CCDC141: variants seen among roughly 807,000 people sequenced by gnomAD.
The protein encoded by CCDC141 is coiled-coil domain-containing protein 141.
In CCDC141, 168 loss-of-function variants were observed where a neutral mutation model predicts 181.0. The ratio of observed to expected loss-of-function variants is 0.93; its 90% CI spans 0.82 to 1.05. The LOEUF (loss-of-function observed/expected upper bound fraction) is 1.05, where lower values mean the gene tolerates loss of function less well. Among genes scored for constraint, CCDC141 ranks in the 50% least tolerant of loss-of-function variants. CCDC141 has a pLI of 0.00. For synonymous variants in CCDC141, 666 were observed against 642.3 expected (o/e 1.04, Z -0.56); for missense variants, 1,902 against 1,788.5 (o/e 1.06, Z -1.14).
chr2:178,834,650 G>C (rs1403381743), intron 23 of CCDC141, among the ~76,000 whole-genome samples: 1 of 151,682 alleles, frequency 6.6e-6, no homozygotes. Context: ...AGATCATTGC[G>C]GTCTCAAACT....
At chr2:178,938,266 T>G (rs1204508857) in intron 6 of CCDC141, among the ~76,000 whole-genome samples, 1 of 152,202 alleles carries the variant, frequency 6.6e-6, no homozygotes, top group Admixed American at 6.5e-5. Flanking sequence ...CTGCCTTAGC[T>G]GTGTCCCAGA....
chr2:179,001,572 T>G (rs2041979640), intron 2 of CCDC141, among the ~76,000 whole-genome samples: 2 of 148,356 alleles, frequency 1.3e-5, no homozygotes, highest in African/African-American at 2.5e-5. Flanking sequence ...GAGGAGGAGG[T>G]AAAAAGAGAT....
chr2:178,853,386 CT>C, intron 20 of CCDC141, 54 bp downstream of exon 20: 2 of 1,507,956 alleles, frequency 1.3e-6, no homozygotes. Context: ...CTGGATTAGG[CT>C]CAGTATAGAT....
At chr2:178,980,319 G>A (rs1158380473) in intron 2 of CCDC141, among the ~76,000 whole-genome samples, 1 of 152,076 alleles carries the variant, frequency 6.6e-6, no homozygotes, top group Non-Finnish European at 1.5e-5. Context: ...GCCTGGTGGT[G>A]GGCGCCTGTA....
chr2:178,842,702 G>A (rs1464856281), intron 22 of CCDC141, among the ~76,000 whole-genome samples: 2 of 152,196 alleles, frequency 1.3e-5, no homozygotes, highest in Admixed American at 1.3e-4. Flanking sequence ...GGGTAAATAA[G>A]ATTTAATGAA....
At chr2:178,837,839 G>A in intron 22 of CCDC141, 95 bp from the exon 23 acceptor site, 2 of 1,359,722 alleles carry the variant, frequency 1.5e-6, no homozygotes, top group Non-Finnish European at 1.9e-6. Context: ...GATAACTCGA[G>A]ACAACCTACA....
intron 5 of CCDC141, among the ~76,000 whole-genome samples, chr2:178,946,884 G>T (rs957440768): frequency 2.0e-5 from 3 of 152,114 alleles, no homozygotes; most frequent in Admixed American, 1.3e-4. Flanking sequence ...TCACGTTCCT[G>T]CCTGTTAAAT....
intron 6 of CCDC141, among the ~76,000 whole-genome samples, chr2:178,933,269 CATAAT>C (rs1330894099): frequency 6.6e-6 from 1 of 152,080 alleles, no homozygotes; most frequent in Non-Finnish European, 1.5e-5. Context: ...CAATATATGT[CATAAT>C]ATAAGACAAC....
intron 7 of CCDC141, among the ~76,000 whole-genome samples, chr2:178,909,530 T>C (rs571980706): frequency 6.6e-6 from 1 of 152,344 alleles, no homozygotes; most frequent in South Asian, 2.1e-4. Flanking sequence ...AACAGGAAGC[T>C]ACTTTCAAGA....
In CCDC141 at chr2:178,842,865, A is replaced by G. The variant is rs186298881; in HGVS notation, c.3474+2761T>C. 4.6e-5 allele frequency among the ~76,000 whole-genome samples: 7 copies of G among 152,310 alleles called. No homozygotes were observed. In the East Asian group the frequency reaches 1.2e-3, roughly 25 times the overall value. ...GGTGGACAAGGTAAAAGAAAAGGGA[A>G]CAGAGAGGTGGTGAAGAAGAACACT... On this transcript the variant is annotated intron_variant, in intron 22 of 23. Coordinates refer to ENST00000443758, the MANE Select transcript of CCDC141 (RefSeq NM_173648.4).
At chr2:179,044,500 C>T (rs778959833) in intron 2 of CCDC141, among the ~76,000 whole-genome samples, 1 of 152,022 alleles carries the variant, frequency 6.6e-6, no homozygotes, top group Non-Finnish European at 1.5e-5. Flanking sequence ...AATTGCTGCA[C>T]CTAAGAAGGC....
At chr2:178,987,257 C>T (rs1294179335) in intron 2 of CCDC141, among the ~76,000 whole-genome samples, 1 of 151,718 alleles carries the variant, frequency 6.6e-6, no homozygotes, top group East Asian at 1.9e-4. Context: ...GGAAAACTGG[C>T]TAGCCATATG....
downstream of CCDC141, among the ~76,000 whole-genome samples, chr2:178,828,632 A>T (rs1162535254): frequency 1.3e-5 from 2 of 152,182 alleles, no homozygotes; most frequent in Non-Finnish European, 2.9e-5. Flanking sequence ...AAATGGGCAT[A>T]TTCCCCTTTC....
intron 6 of CCDC141, among the ~76,000 whole-genome samples, chr2:178,933,645 C>G (rs1689179055): frequency 6.6e-6 from 1 of 152,234 alleles, no homozygotes; most frequent in South Asian, 2.1e-4. Context: ...TGTCTTCTGT[C>G]TCCCTCCCAT....
chr2:178,848,352 G>A (rs1685026818), intron 21 of CCDC141, among the ~76,000 whole-genome samples: 1 of 152,210 alleles, frequency 6.6e-6, no homozygotes, highest in African/African-American at 2.4e-5. Context: ...GACTTGGTAA[G>A]GAAGAGTTTG....
intron 11 of CCDC141, among the ~76,000 whole-genome samples, chr2:178,883,241 G>A (rs60105920): frequency 0.092 from 14,029 of 152,022 alleles, 1,620 homozygotes; most frequent in East Asian, 0.66. Context: ...CTGTCAGTTG[G>A]GAATAGTTTG....
intron 11 of CCDC141, among the ~76,000 whole-genome samples, chr2:178,879,015 A>G (rs1686476142): frequency 1.3e-5 from 2 of 152,336 alleles, no homozygotes; most frequent in South Asian, 4.1e-4. Context: ...GTATAATACT[A>G]AACTGCCTTC....
the CCDC141 span, among the ~76,000 whole-genome samples, chr2:178,822,174 G>C: frequency 6.6e-6 from 1 of 151,224 alleles, no homozygotes; most frequent in Non-Finnish European, 1.5e-5. Flanking sequence ...ACCAAACACC[G>C]CATGTTCTCA....
intron 19 of CCDC141, among the ~76,000 whole-genome samples, chr2:178,854,744 G>T (rs1356001062): frequency 1.3e-5 from 2 of 152,116 alleles, no homozygotes; most frequent in Non-Finnish European, 2.9e-5. Flanking sequence ...TGCATTAGTG[G>T]TAAAGACGTT....
Sources: allele counts gnomAD v4.1 joint callset (sites outside exome capture counted in the v4.1 genomes callset), GRCh38; gene constraint gnomAD v4.1.1; transcripts MANE v1.5; gene names NCBI Gene and HGNC (gene_info 2026-07-23, HGNC 2026-07-21).